WDR43: variants seen among roughly 807,000 people sequenced by gnomAD.
WDR43 encodes WD repeat-containing protein 43.
In WDR43, 13 loss-of-function variants were observed where a neutral mutation model predicts 91.4. The ratio of observed to expected loss-of-function variants is 0.14; its 90% CI spans 0.09 to 0.23. WDR43 has a LOEUF of 0.23. WDR43 is among the 10% of genes least tolerant of loss of function. The pLI is 1.00. For missense variants in WDR43, 780 were observed against 809.4 expected, an observed-to-expected ratio of 0.96 and a Z score of 0.44; for synonymous variants, 331 against 287.9, an observed-to-expected ratio of 1.15 and a Z score of -1.51.
intron 16 of WDR43, among the ~76,000 whole-genome samples, chr2:28,946,017 TATA>T (rs1671536902): frequency 6.6e-6 from 1 of 152,196 alleles, no homozygotes; most frequent in Non-Finnish European, 1.5e-5. Context: ...GAAGGAATAA[TATA>T]ATGAATATAC....
chr2:28,941,320 C>A (rs1253250515), intron 14 of WDR43, 141 bp from the exon 15 acceptor site: 3 of 575,292 alleles, frequency 5.2e-6, no homozygotes, highest in Non-Finnish European at 9.3e-6. Context: ...GGCTATGTTG[C>A]AGGTAGCCAC....
At chr2:28,928,521 T>C (rs1315727278) in intron 10 of WDR43, among the ~76,000 whole-genome samples, 20 of 152,208 alleles carry the variant, frequency 1.3e-4, no homozygotes, top group Non-Finnish European at 1.5e-5. Context: ...CCATGTCCTT[T>C]TTAATCTTTT....
intron 3 of WDR43, among the ~76,000 whole-genome samples, chr2:28,909,201 C>T (rs565702643): frequency 2.6e-5 from 4 of 152,182 alleles, no homozygotes; most frequent in South Asian, 2.1e-4. Context: ...TGCAATGGCG[C>T]GATCTCAGCT....
intron 13 of WDR43, 84 bp downstream of exon 13, chr2:28,937,037 A>C: frequency 7.4e-7 from 1 of 1,344,022 alleles, no homozygotes; most frequent in Non-Finnish European, 1.0e-6. Flanking sequence ...CTAACTAATA[A>C]AACTCTTTCA....
At chr2:28,913,890 AAG>A (rs1184959971) in intron 4 of WDR43, 177 bp from the exon 5 acceptor site, 1 of 791,640 alleles carries the variant, frequency 1.3e-6, no homozygotes, top group Non-Finnish European at 2.0e-6. Flanking sequence ...TTTTTTTAAA[AAG>A]TGGGAGAATT....
At chr2:28,946,011 G>A (rs985512648) in intron 16 of WDR43, among the ~76,000 whole-genome samples, 5 of 152,186 alleles carry the variant, frequency 3.3e-5, no homozygotes, top group African/African-American at 7.2e-5. Context: ...GATCTTGAAG[G>A]AATAATATAA....
At chr2:28,908,694 T>G (rs1037594906) in intron 3 of WDR43, among the ~76,000 whole-genome samples, 33 of 152,220 alleles carry the variant, frequency 2.2e-4, no homozygotes, top group African/African-American at 8.0e-4. Flanking sequence ...ATAATTTCAT[T>G]ATGTTTCCAG....
chr2:28,895,304 A>G (rs771121775), intron 1 of WDR43: 3 of 186,576 alleles, frequency 1.6e-5, no homozygotes, highest in Non-Finnish European at 3.3e-5. Context: ...GGGACTATCT[A>G]ACTTTCCTCT....
chr2:28,946,526 A>G (rs996842854), intron 17 of WDR43, 27 bp downstream of exon 17: 12 of 1,603,710 alleles, frequency 7.5e-6, no homozygotes, highest in South Asian at 1.1e-5. Context: ...CTGTATATAC[A>G]TCGGCCTTTA....
At chr2:28,914,014 A>T (rs1670858112) in intron 4 of WDR43, 55 bp from the exon 5 acceptor site, 1 of 1,597,766 alleles carries the variant, frequency 6.3e-7, no homozygotes, top group African/African-American at 1.3e-5. Flanking sequence ...ATATACTATT[A>T]ATTTTTGTCC....
intron 2 of WDR43, 46 bp from the exon 3 acceptor site, chr2:28,906,414 G>C (rs943538979): frequency 4.6e-6 from 7 of 1,506,398 alleles, no homozygotes; most frequent in Middle Eastern, 1.7e-4. Context: ...TTGAGCCCAG[G>C]AGTTTGAGAC....
chr2:28,931,156 A>C (rs528457681), intron 11 of WDR43, among the ~76,000 whole-genome samples: 2 of 145,748 alleles, frequency 1.4e-5, no homozygotes, highest in African/African-American at 5.1e-5. Flanking sequence ...GCTCACTGCT[A>C]TCTCTGCCTC....
In WDR43 at chr2:28,947,295, A is replaced by T. The variant is rs1457902204; in HGVS notation, c.*516A>T. 1 of 152,226 alleles carries T rather than the reference A, an allele frequency of 6.6e-6. No homozygotes were observed. The highest frequency in any genetic ancestry group is 1.9e-4 in the East Asian group (1 of 5,188). 9.4% of individuals were successfully genotyped at this position (152,226 alleles called of 1,614,324 possible). A position where few individuals can be genotyped will look rare whatever the true frequency, so the allele number is the denominator to read the frequency against. On this transcript the variant is annotated 3_prime_UTR_variant, in exon 18 of 18. Transcript: ENST00000407426. Reference sequence around the variant, plus strand: ...AACTGGAGTAAAAATGATGGTAATTAAAAAAAATCCTCAGTATCCCTAGCT... The same window carrying T: ...AACTGGAGTAAAAATGATGGTAATTTAAAAAAATCCTCAGTATCCCTAGCT...
chr2:28,926,721 C>A (rs1027302403), intron 9 of WDR43, among the ~76,000 whole-genome samples, 167 bp downstream of exon 9: 1 of 152,044 alleles, frequency 6.6e-6, no homozygotes, highest in Non-Finnish European at 1.5e-5. Context: ...AGATTGTACT[C>A]CTGATTTGTT....
chr2:28,906,591 AT>A lies in WDR43; in HGVS notation c.485+12del. 6.2e-7 allele frequency: 1 copy of A among 1,610,340 alleles called. No homozygotes were observed. Among genetic ancestry groups the A allele is most frequent in the Middle Eastern group, 1.7e-4 (1 of 6,042 alleles). On this transcript the variant is annotated intron_variant, in intron 3 of 17. Transcript: ENST00000407426. ...CATGCAAAGTAAAGTGGTGAGTAACATTCATGGTATCAGGAAATGCAATAGA... is the reference window on the plus strand; with the variant it reads ...CATGCAAAGTAAAGTGGTGAGTAACATCATGGTATCAGGAAATGCAATAGA...
chr2:28,928,772 C>T (rs1671189788), intron 10 of WDR43, among the ~76,000 whole-genome samples: 1 of 152,150 alleles, frequency 6.6e-6, no homozygotes, highest in Admixed American at 6.5e-5. Flanking sequence ...ACCTCCACCT[C>T]CTGGGCTCAA....
Position 28,940,251 on chromosome 2 carries a change from C to T in WDR43, c.1621-1210C>T, listed in dbSNP as rs536472351. ...CTTTTTCTTTTTTTTTTTCTTGAGA[C>T]GGAGTTTTGCTCTTGTTGCCTAGGC... On this transcript the variant is annotated intron_variant, in intron 14 of 17. Transcript: ENST00000407426. 2.3e-4 allele frequency among the ~76,000 whole-genome samples: 34 copies of T among 149,328 alleles called. No homozygotes were observed. In the East Asian group the frequency reaches 4.2e-3, roughly 18 times the overall value.
At chr2:28,901,917 G>A in intron 1 of WDR43, 70 bp from the exon 2 acceptor site, 1 of 1,435,564 alleles carries the variant, frequency 7.0e-7, no homozygotes, top group Non-Finnish European at 9.3e-7. Flanking sequence ...GTGGGCATTT[G>A]TATTTGTTCA....
chr2:28,910,742 A>C (rs1280114578), intron 3 of WDR43, among the ~76,000 whole-genome samples: 2 of 150,650 alleles, frequency 1.3e-5, no homozygotes, highest in Non-Finnish European at 2.9e-5. Context: ...TCCGTCACCC[A>C]GGTGGAGTGC....
Sources: allele counts gnomAD v4.1 joint callset (sites outside exome capture counted in the v4.1 genomes callset), GRCh38; gene constraint gnomAD v4.1.1; transcripts MANE v1.5; gene names NCBI Gene and HGNC (gene_info 2026-07-23, HGNC 2026-07-21).